CDH13: variants seen among roughly 807,000 people sequenced by gnomAD.
CDH13 encodes the protein cadherin-13.
Under a neutral mutation model 63.8 loss-of-function variants are expected in CDH13, and 24 were observed. The observed-to-expected ratio is 0.38, with a 90% CI of 0.27 to 0.53. CDH13 has a LOEUF of 0.53. CDH13 is among the 20% of genes least tolerant of loss of function. CDH13 has a pLI of 0.85. For missense variants in CDH13, 1,049 were observed against 903.1 expected, an observed-to-expected ratio of 1.16 and a Z score of -2.07; for synonymous variants, 503 against 355.3, an observed-to-expected ratio of 1.42 and a Z score of -4.67.
intron 3 of CDH13, among the ~76,000 whole-genome samples, chr16:83,112,030 G>A (rs941003609): frequency 3.3e-5 from 5 of 152,248 alleles, no homozygotes; most frequent in African/African-American, 9.6e-5. Context: ...AAACTTTGGA[G>A]AAAAAAGTTT....
intron 3 of CDH13, among the ~76,000 whole-genome samples, chr16:83,068,906 T>C (rs1196531954): frequency 6.6e-6 from 1 of 152,196 alleles, no homozygotes; most frequent in Non-Finnish European, 1.5e-5. Context: ...TTTTGCATTA[T>C]GACACATGAT....
intron 5 of CDH13, among the ~76,000 whole-genome samples, chr16:83,329,369 G>A (rs1052321172): frequency 2.6e-5 from 4 of 151,528 alleles, no homozygotes; most frequent in Non-Finnish European, 4.4e-5. Context: ...GTGACTGTAG[G>A]CACGTGCCAC....
chr16:83,137,431 T>G (rs946899094), intron 4 of CDH13, among the ~76,000 whole-genome samples: 2 of 152,278 alleles, frequency 1.3e-5, no homozygotes, highest in East Asian at 3.9e-4. Flanking sequence ...CAACATTTAT[T>G]TGATGTGCGT....
chr16:82,639,600 G>C (rs912837183), intron 1 of CDH13: 12 of 641,974 alleles, frequency 1.9e-5, no homozygotes, highest in Non-Finnish European at 2.8e-5. Flanking sequence ...AAGAAAACAA[G>C]AAATATACAG....
Position 83,102,930 on chromosome 16 carries a change from CTTTTTTTTTTTCTTTTTCT to C in CDH13, c.367-22443_367-22425del, listed in dbSNP as rs1216456266. ...AACTTTCTTTTTTTTTTTTCTTTTT[CTTTTTTTTTTTCTTTTTCT>C]TTTTTTTTTTTTTTTTTTTTTGAGG... On this transcript the variant is annotated intron_variant, in intron 3 of 13. Transcript: ENST00000567109. Among the ~76,000 whole-genome samples the C allele has an allele frequency of 4.0e-3, 388 of 96,794 alleles. 1 individual carries two copies. Among genetic ancestry groups the C allele is most frequent in the East Asian group, 8.0e-3 (28 of 3,510 alleles). The allele number at this position is 96,794 out of a possible 152,430, so 63.5% of individuals were successfully genotyped here. A position where few individuals can be genotyped will look rare whatever the true frequency, so the allele number is the denominator to read the frequency against.
chr16:83,206,779 C>G (rs1290717384), intron 4 of CDH13, among the ~76,000 whole-genome samples: 2 of 152,214 alleles, frequency 1.3e-5, no homozygotes, highest in South Asian at 4.1e-4. Context: ...AGGAATTTGA[C>G]TTGGGGGGAC....
intron 1 of CDH13, among the ~76,000 whole-genome samples, chr16:82,856,858 G>A (rs1157517995): frequency 6.6e-6 from 1 of 152,102 alleles, no homozygotes; most frequent in South Asian, 2.1e-4. Context: ...AATCCCAGGT[G>A]GAAACTGGGA....
intron 1 of CDH13, among the ~76,000 whole-genome samples, chr16:82,821,714 T>G (rs1423070491): frequency 6.6e-6 from 1 of 152,244 alleles, no homozygotes; most frequent in African/African-American, 2.4e-5. Flanking sequence ...AATAAAGGAC[T>G]ATGACCCTGT....
At chr16:83,365,534 C>A (rs568013405) in intron 6 of CDH13, among the ~76,000 whole-genome samples, 6 of 152,168 alleles carry the variant, frequency 3.9e-5, no homozygotes, top group Non-Finnish European at 4.4e-5. Flanking sequence ...CCCATGATCT[C>A]CACCTCCTGG....
chr16:83,785,305 G>A (rs1266012457), intron 13 of CDH13, among the ~76,000 whole-genome samples: 1 of 152,174 alleles, frequency 6.6e-6, no homozygotes, highest in African/African-American at 2.4e-5. Context: ...CCCACATTCT[G>A]GTTCACATAT....
chr16:82,646,056 G>T (rs1448120719), intron 1 of CDH13, among the ~76,000 whole-genome samples: 1 of 152,206 alleles, frequency 6.6e-6, no homozygotes, highest in Non-Finnish European at 1.5e-5. Context: ...ATCTTCAAGA[G>T]CAAACAATGA....
At chr16:83,283,564 C>T (rs1255157265) in intron 5 of CDH13, among the ~76,000 whole-genome samples, 1 of 152,166 alleles carries the variant, frequency 6.6e-6, no homozygotes, top group African/African-American at 2.4e-5. Context: ...GCACTCCAGC[C>T]TGGGCAACAG....
At chr16:83,395,990 A>C (rs995422554) in intron 6 of CDH13, among the ~76,000 whole-genome samples, 2 of 151,914 alleles carry the variant, frequency 1.3e-5, no homozygotes, top group Non-Finnish European at 2.9e-5. Flanking sequence ...GTTCCCCTCT[A>C]TATGTCCACG....
chr16:83,611,561 G>A lies in CDH13; in HGVS notation c.1101+8967G>A, dbSNP rs1396547453. Among the ~76,000 whole-genome samples the A allele has an allele frequency of 4.0e-5, 6 of 151,124 alleles. No individual in the cohort carries two copies. In the East Asian group the frequency reaches 1.2e-3, roughly 30 times the overall value. The stretch of plus-strand genomic sequence containing the variant: ...TGTTTTTTTCCTTCTATCTCTTTGG[G>A]TATCTTTCACCATTTATTTTTCAAA... On this transcript the variant is annotated intron_variant, in intron 8 of 13. Transcript: ENST00000567109.
At chr16:83,547,646 C>T (rs1335299574) in intron 7 of CDH13, among the ~76,000 whole-genome samples, 1 of 152,192 alleles carries the variant, frequency 6.6e-6, no homozygotes, top group African/African-American at 2.4e-5. Context: ...TTTTTTATGG[C>T]TGCATAGTAT....
At position 83,012,398 on chromosome 16, in the gene CDH13, A is replaced by G. The variant is rs999927820; in HGVS notation, c.158-19612A>G. 9.3e-5 allele frequency among the ~76,000 whole-genome samples: 14 copies of G among 150,770 alleles called. No homozygotes were observed. In the East Asian group the frequency reaches 2.3e-3, roughly 25 times the overall value. On this transcript the variant is annotated intron_variant, in intron 2 of 13. Coordinates refer to ENST00000567109, the MANE Select transcript of CDH13 (RefSeq NM_001257.5). Reference sequence around the variant, plus strand: ...TTCTAATGAAGTAAGCCCTGGTCCAAGGAAAATATAAAATAAAATCGCTAT... The same window carrying G: ...TTCTAATGAAGTAAGCCCTGGTCCAGGGAAAATATAAAATAAAATCGCTAT...
At chr16:82,995,329 T>C (rs994662966) in intron 2 of CDH13, among the ~76,000 whole-genome samples, 2 of 152,238 alleles carry the variant, frequency 1.3e-5, no homozygotes, top group Non-Finnish European at 2.9e-5. Flanking sequence ...CATCTAGGTA[T>C]GACCATGGAA....
Position 83,395,731 on chromosome 16 carries a change from G to A in CDH13, c.781+50725G>A, listed in dbSNP as rs976456501. On this transcript the variant is annotated intron_variant, in intron 6 of 13. Transcript: ENST00000567109. The stretch of plus-strand genomic sequence containing the variant: ...TCACATAGTGGTTGAAACTGAAGGC[G>A]GCTGAAACCTGAATTCTAATTAATT... Among the ~76,000 whole-genome samples, 12 of 152,222 alleles carry A rather than the reference G, an allele frequency of 7.9e-5. No individual in the cohort carries two copies. In the South Asian group the frequency reaches 8.3e-4, roughly 11 times the overall value.
At chr16:83,301,258 C>T (rs894666412) in intron 5 of CDH13, among the ~76,000 whole-genome samples, 2 of 151,914 alleles carry the variant, frequency 1.3e-5, no homozygotes, top group Non-Finnish European at 2.9e-5. Context: ...GTCTCGATCT[C>T]CTGACCTCAT....
Sources: gnomAD v4.1 joint callset for allele counts (sites outside exome capture counted in the v4.1 genomes callset) on GRCh38, gnomAD v4.1.1 for gene constraint, MANE v1.5 for transcripts, NCBI Gene and HGNC (gene_info 2026-07-23, HGNC 2026-07-21) for gene names.